The following SNTB1 variants were observed in gnomAD, a reference collection of about 807,000 sequenced individuals.
SNTB1 encodes beta-1-syntrophin.
In SNTB1, 36 loss-of-function variants were observed where a neutral mutation model predicts 48.9. That is an observed-to-expected ratio of 0.74 (90% CI 0.56 to 0.97). The LOEUF is 0.97. SNTB1 is among the 50% of genes least tolerant of loss of function. The probability of loss-of-function intolerance (pLI) is 0.00; values close to 1 mark genes in which losing one functional copy is unlikely to be tolerated. For synonymous variants in SNTB1, 299 were observed against 294.6 expected, an observed-to-expected ratio of 1.01 and a Z score of -0.15; for missense variants, 786 against 703.4, an observed-to-expected ratio of 1.12 and a Z score of -1.33.
At chr8:120,580,349 C>T (rs1816025321) in intron 3 of SNTB1, among the ~76,000 whole-genome samples, 1 of 152,218 alleles carries the variant, frequency 6.6e-6, no homozygotes, top group Admixed American at 6.5e-5. Context: ...ACGTGAACAG[C>T]TTACTTAAGT....
intron 3 of SNTB1, among the ~76,000 whole-genome samples, chr8:120,629,114 G>A (rs1191322121): frequency 1.3e-5 from 2 of 152,156 alleles, no homozygotes; most frequent in Non-Finnish European, 2.9e-5. Context: ...CCCCCAACAA[G>A]CTGTACTGAC....
At chr8:120,659,871 A>G in intron 2 of SNTB1, among the ~76,000 whole-genome samples, 1 of 152,222 alleles carries the variant, frequency 6.6e-6, no homozygotes, top group East Asian at 1.9e-4. Context: ...GGCAGACATG[A>G]AAACAACATT....
At chr8:120,719,470 T>G (rs1384888474) in intron 1 of SNTB1, among the ~76,000 whole-genome samples, 1 of 152,156 alleles carries the variant, frequency 6.6e-6, no homozygotes, top group Non-Finnish European at 1.5e-5. Context: ...CTCCATTTTC[T>G]ATTCAGGCAC....
chr8:120,547,126 G>C (rs1411339795), intron 5 of SNTB1, among the ~76,000 whole-genome samples: 1 of 152,148 alleles, frequency 6.6e-6, no homozygotes, highest in South Asian at 2.1e-4. Flanking sequence ...GGAAATGGAA[G>C]GATTGGATGA....
chr8:120,734,157 T>C (rs1818898928), intron 1 of SNTB1, among the ~76,000 whole-genome samples: 1 of 152,122 alleles, frequency 6.6e-6, no homozygotes, highest in South Asian at 2.1e-4. Flanking sequence ...AAAGTTTTAT[T>C]TGCAGGCCAG....
intron 1 of SNTB1, among the ~76,000 whole-genome samples, chr8:120,715,315 AC>A (rs1818536748): frequency 6.6e-6 from 1 of 152,208 alleles, no homozygotes; most frequent in Non-Finnish European, 1.5e-5. Context: ...TCATTAGCCT[AC>A]CTGTGAATGA....
rs1444489676 is a variant in SNTB1, at chr8:120,548,934, C to G, written c.1161G>C (p.Lys387Asn). Residue 387 changes from lysine to asparagine, a missense_variant, in exon 5 of 7, where the codon AAG becomes AAC. Coordinates refer to ENST00000517992, the MANE Select transcript of SNTB1 (RefSeq NM_021021.4). ...GATCCACACCAGCCTGGGGTGATCC[C>G]TTTCCTGGACCTGAATGGACCAGCC... ...ATRLVHSGPG[K>N]GSPQAGVDLS... 6.9e-6 allele frequency: 11 copies of G among 1,594,828 alleles called. No homozygotes were observed. Among genetic ancestry groups the G allele is most frequent in the Non-Finnish European group, 9.4e-6 (11 of 1,171,132 alleles).
At chr8:120,579,609 G>A (rs1373691980) in intron 3 of SNTB1, among the ~76,000 whole-genome samples, 1 of 152,154 alleles carries the variant, frequency 6.6e-6, no homozygotes, top group African/African-American at 2.4e-5. Context: ...GAGCCCAGGT[G>A]ATGGAGTTGC....
At chr8:120,596,081 C>T (rs527875716) in intron 3 of SNTB1, among the ~76,000 whole-genome samples, 5 of 152,140 alleles carry the variant, frequency 3.3e-5, no homozygotes, top group East Asian at 1.9e-4. Flanking sequence ...CAATGACATA[C>T]GTATAATCAC....
chr8:120,791,964 C>T (rs1408925458), intron 1 of SNTB1, among the ~76,000 whole-genome samples: 1 of 151,700 alleles, frequency 6.6e-6, no homozygotes, highest in Non-Finnish European at 1.5e-5. Flanking sequence ...CAAAGGAAAA[C>T]ATTAACTATA....
Position 120,548,978 on chromosome 8 carries a change from G to GAC in SNTB1, c.1137-22_1137-21dup. 1 of 1,499,496 alleles carries GAC rather than the reference G, an allele frequency of 6.7e-7. No homozygotes were observed. Among genetic ancestry groups the GAC allele is most frequent in the Non-Finnish European group, 9.0e-7 (1 of 1,115,204 alleles). 92.9% of individuals were successfully genotyped at this position (1,499,496 alleles called of 1,614,324 possible). A position where few individuals can be genotyped will look rare whatever the true frequency, so the allele number is the denominator to read the frequency against. On this transcript the variant is annotated intron_variant, in intron 4 of 6. Transcript: ENST00000517992. ...ACCAGCCTGGAGAGAGAGAGAGAGA[G>GAC]ACATCATCAAAATGGAGACTAGTTT... is the stretch of plus-strand genomic sequence containing the variant.
intron 5 of SNTB1, 46 bp downstream of exon 5, chr8:120,548,716 A>G (rs746116635): frequency 6.3e-7 from 1 of 1,575,316 alleles, no homozygotes; most frequent in South Asian, 1.1e-5. Flanking sequence ...TAGAGGGTTC[A>G]TCTTCCCGTA....
intron 1 of SNTB1, among the ~76,000 whole-genome samples, chr8:120,790,752 A>G (rs1408462530): frequency 6.6e-6 from 1 of 152,066 alleles, no homozygotes; most frequent in African/African-American, 2.4e-5. Flanking sequence ...GATACAAACA[A>G]ATGGAAATAC....
intron 1 of SNTB1, among the ~76,000 whole-genome samples, chr8:120,808,312 T>C (rs1820369691): frequency 6.6e-6 from 1 of 152,218 alleles, no homozygotes; most frequent in African/African-American, 2.4e-5. Context: ...TACTGTTAAG[T>C]GTAACAGGTA....
At chr8:120,538,999 G>A (rs1815243353) in intron 6 of SNTB1, 30 bp from the exon 7 acceptor site, 3 of 1,542,276 alleles carry the variant, frequency 1.9e-6, no homozygotes, top group Middle Eastern at 1.7e-4. Context: ...GAGCATGAGC[G>A]ATTTTAAATT....
chr8:120,559,279 T>A (rs954712696), intron 4 of SNTB1, among the ~76,000 whole-genome samples: 4 of 152,252 alleles, frequency 2.6e-5, no homozygotes, highest in Non-Finnish European at 4.4e-5. Context: ...CTTGGTTGTT[T>A]AGGGAGGTAG....
intron 1 of SNTB1, among the ~76,000 whole-genome samples, chr8:120,779,007 A>T (rs1431663272): frequency 6.6e-6 from 1 of 152,092 alleles, no homozygotes; most frequent in Non-Finnish European, 1.5e-5. Context: ...TTTATTTATC[A>T]GGCCTCTGCA....
At chr8:120,749,062 A>T (rs190153009) in intron 1 of SNTB1, among the ~76,000 whole-genome samples, 294 of 152,374 alleles carry the variant, frequency 1.9e-3, no homozygotes, top group Non-Finnish European at 3.6e-3. Context: ...CTAAATTATA[A>T]AAAATTATAA....
chr8:120,790,947 A>G (rs971378598), intron 1 of SNTB1, among the ~76,000 whole-genome samples: 1 of 152,022 alleles, frequency 6.6e-6, no homozygotes, highest in East Asian at 1.9e-4. Flanking sequence ...AATCCTAAGC[A>G]AAAAGAACAA....
Sources: allele counts gnomAD v4.1 joint callset (sites outside exome capture counted in the v4.1 genomes callset), GRCh38; gene constraint gnomAD v4.1.1; transcripts MANE v1.5; gene names NCBI Gene and HGNC (gene_info 2026-07-23, HGNC 2026-07-21).